TMEM178B: variants seen among roughly 807,000 people sequenced by gnomAD.
TMEM178B encodes the protein transmembrane protein 178B.
Under a neutral mutation model 31.0 loss-of-function variants are expected in TMEM178B, and 5 were observed. That is an observed-to-expected ratio of 0.16 (90% CI 0.08 to 0.34). The LOEUF (loss-of-function observed/expected upper bound fraction) is 0.34, where lower values mean the gene tolerates loss of function less well. Among genes scored for constraint, TMEM178B ranks in the 10% least tolerant of loss-of-function variants. The pLI, the probability that TMEM178B is intolerant of heterozygous loss-of-function variation, is 1.00. For missense variants in TMEM178B, 275 were observed against 400.3 expected, an observed-to-expected ratio of 0.69 and a Z score of 2.67; for synonymous variants, 164 against 164.0, an observed-to-expected ratio of 1.00 and a Z score of 0.00.
At chr7:141,215,912 C>T (rs150987749) in intron 2 of TMEM178B, among the ~76,000 whole-genome samples, 504 of 26,370 alleles carry the variant, frequency 0.019, 2 homozygotes, top group Non-Finnish European at 0.033. Context: ...TTCTTTCTTT[C>T]TTTTTTTTTT....
At chr7:141,462,265 A>G (rs955347941) in intron 3 of TMEM178B, among the ~76,000 whole-genome samples, 24 of 152,192 alleles carry the variant, frequency 1.6e-4, no homozygotes, top group Non-Finnish European at 3.2e-4. Flanking sequence ...TAGGGAAGCA[A>G]GACTTTGAAG....
intron 2 of TMEM178B, among the ~76,000 whole-genome samples, chr7:141,215,230 A>T (rs900410070): frequency 4.6e-5 from 7 of 152,268 alleles, no homozygotes; most frequent in African/African-American, 1.7e-4. Flanking sequence ...AAAAAAAATC[A>T]GTTTGATTTC....
intron 1 of TMEM178B, among the ~76,000 whole-genome samples, chr7:141,190,927 G>A (rs911463221): frequency 1.7e-4 from 26 of 152,116 alleles, no homozygotes; most frequent in African/African-American, 6.3e-4. Context: ...TTACATAAAT[G>A]TGGTATACTG....
At chr7:141,496,539 G>C in the TMEM178B span, among the ~76,000 whole-genome samples, 1 of 141,264 alleles carries the variant, frequency 7.1e-6, no homozygotes, top group South Asian at 2.1e-4. Context: ...GTGTAGTGGC[G>C]GGCGCCTGTA....
intron 2 of TMEM178B, among the ~76,000 whole-genome samples, chr7:141,276,433 G>A (rs956017579): frequency 6.6e-6 from 1 of 152,126 alleles, no homozygotes; most frequent in African/African-American, 2.4e-5. Context: ...TGGATGGGGA[G>A]GCCTCAGGAA....
At chr7:141,416,777 A>G (rs1485408810) in intron 2 of TMEM178B, among the ~76,000 whole-genome samples, 1 of 152,196 alleles carries the variant, frequency 6.6e-6, no homozygotes. Context: ...AGAGATTGGC[A>G]CACATGGGGC....
chr7:141,410,225 C>T (rs571686803), intron 2 of TMEM178B, among the ~76,000 whole-genome samples: 22 of 152,184 alleles, frequency 1.4e-4, no homozygotes, highest in East Asian at 3.9e-4. Flanking sequence ...TCTGGGTCTG[C>T]GTAATGAGCC....
the TMEM178B span, among the ~76,000 whole-genome samples, chr7:141,510,791 C>T: frequency 1.3e-5 from 2 of 149,034 alleles, no homozygotes; most frequent in Non-Finnish European, 3.0e-5. Context: ...GTTTCCAAAG[C>T]TTCCAAGAGG....
chr7:141,357,347 C>T (rs1036085489), intron 2 of TMEM178B, among the ~76,000 whole-genome samples: 5 of 152,210 alleles, frequency 3.3e-5, no homozygotes, highest in African/African-American at 9.6e-5. Context: ...AAACTCATCT[C>T]ATTTGTGTTT....
chr7:141,234,742 C>T (rs139472596), intron 2 of TMEM178B, among the ~76,000 whole-genome samples: 4 of 152,306 alleles, frequency 2.6e-5, no homozygotes, highest in East Asian at 1.9e-4. Flanking sequence ...TCTGCACTCT[C>T]GTCTATGTGG....
intron 2 of TMEM178B, among the ~76,000 whole-genome samples, chr7:141,292,424 G>A (rs217022): frequency 3.3e-5 from 5 of 152,024 alleles, no homozygotes; most frequent in Non-Finnish European, 5.9e-5. Context: ...CATTCCTCAA[G>A]CACCTTTCAT....
At position 141,312,132 on chromosome 7, in the gene TMEM178B, C is replaced by G. The variant is rs141598171; in HGVS notation, c.496+99428C>G. Reference sequence around the variant, plus strand: ...CATTACCTCCCATATGCTGTGGACTCCACTCCTTAATTTGAATCTTCAACC... The same window carrying G: ...CATTACCTCCCATATGCTGTGGACTGCACTCCTTAATTTGAATCTTCAACC... On this transcript the variant is annotated intron_variant, in intron 2 of 3. Transcript: ENST00000565468. Among the ~76,000 whole-genome samples the G allele has an allele frequency of 2.7e-3, 405 of 152,306 alleles. 1 individual carries two copies. The highest frequency in any genetic ancestry group is 4.9e-3 in the Non-Finnish European group (333 of 68,038).
chr7:141,273,092 G>A (rs1224818480), intron 2 of TMEM178B, among the ~76,000 whole-genome samples: 1 of 152,196 alleles, frequency 6.6e-6, no homozygotes, highest in Non-Finnish European at 1.5e-5. Flanking sequence ...TATAAACGTG[G>A]AGAACATATG....
At chr7:141,416,692 C>G (rs767118035) in intron 2 of TMEM178B, among the ~76,000 whole-genome samples, 1 of 152,168 alleles carries the variant, frequency 6.6e-6, no homozygotes, top group Non-Finnish European at 1.5e-5. Flanking sequence ...TGACCTTGGC[C>G]TCATTAGTGA....
intron 2 of TMEM178B, among the ~76,000 whole-genome samples, chr7:141,260,163 C>T (rs927342874): frequency 1.3e-5 from 2 of 152,148 alleles, no homozygotes; most frequent in African/African-American, 4.8e-5. Context: ...GAGATTGCTA[C>T]TGTTTATGAC....
chr7:141,076,743 C>T (rs143221955), intron 1 of TMEM178B, among the ~76,000 whole-genome samples: 1 of 152,302 alleles, frequency 6.6e-6, no homozygotes, highest in African/African-American at 2.4e-5. Context: ...GGACATGGCA[C>T]AGCAGGGGTA....
At chr7:141,425,224 G>A (rs147857091) in intron 2 of TMEM178B, among the ~76,000 whole-genome samples, 223 of 152,170 alleles carry the variant, frequency 1.5e-3, no homozygotes, top group African/African-American at 5.1e-3. Flanking sequence ...CAAATCTCAG[G>A]CACCTGCAAC....
chr7:141,452,273 A>G (rs559735450), intron 3 of TMEM178B, among the ~76,000 whole-genome samples: 4 of 152,138 alleles, frequency 2.6e-5, no homozygotes, highest in Admixed American at 1.3e-4. Flanking sequence ...ACATACTTTG[A>G]CCCGGATTTG....
chr7:141,074,200 C>T lies in TMEM178B; in HGVS notation c.-111C>T. 1.4e-6 allele frequency: 2 copies of T among 1,388,040 alleles called. No homozygotes were observed. Among genetic ancestry groups the T allele is most frequent in the Non-Finnish European group, 1.9e-6 (2 of 1,067,818 alleles). 86.0% of individuals were successfully genotyped at this position (1,388,040 alleles called of 1,614,324 possible). On this transcript the variant is annotated 5_prime_UTR_variant, in exon 1 of 4. Transcript: ENST00000565468. This position sits in a 1 kb window ranked among gnomAD's most constrained non-coding sequence, Gnocchi z 5.1. ...CCGAGGGGGCGCCGCGGCGCGAGTC[C>T]CTCTCCTGCCCCCTCCCCCAGCTCG...
Sources: allele counts gnomAD v4.1 joint callset (sites outside exome capture counted in the v4.1 genomes callset), GRCh38; gene constraint gnomAD v4.1.1; non-coding constraint Gnocchi (gnomAD v3.1); transcripts MANE v1.5; gene names NCBI Gene and HGNC (gene_info 2026-07-23, HGNC 2026-07-21).